The following TIGD2 variants were observed in gnomAD, a reference collection of about 807,000 sequenced individuals.
TIGD2 encodes tigger transposable element derived 2, also known as tigger transposable element-derived protein 2.
In TIGD2, 14 loss-of-function variants were observed where a neutral mutation model predicts 27.0. The ratio of observed to expected loss-of-function variants is 0.52; its 90% confidence interval spans 0.34 to 0.81. TIGD2 has a LOEUF of 0.81. TIGD2 is among the 30% of genes least tolerant of loss of function. TIGD2 has a pLI of 0.01. For missense variants in TIGD2, 590 were observed against 617.3 expected, an observed-to-expected ratio of 0.96 and a Z score of 0.47; for synonymous variants, 201 against 209.0, an observed-to-expected ratio of 0.96 and a Z score of 0.33.
chr4:89,113,479 C>G lies in TIGD2; in HGVS notation c.505C>G (p.Gln169Glu). ...FQEFVEKENL[Q>E]PEQIYGADQT... is the part of the protein sequence containing the mutation. ...GGAATTTGTTGAAAAAGAGAATCTA[C>G]AACCAGAGCAAATTTATGGTGCTGA... The change falls in exon 2 of 2, where the codon CAA (glutamine) becomes GAA (glutamate). Residue 169 changes from glutamine to glutamate, a missense_variant. Transcript: ENST00000603357. 1 of 1,613,866 alleles carries G rather than the reference C, an allele frequency of 6.2e-7. No homozygotes were observed. The highest frequency in any genetic ancestry group is 8.5e-7 in the Non-Finnish European group (1 of 1,179,784).
Position 89,113,210 on chromosome 4 carries a change from TTGATAGAGTTA to T in TIGD2, c.246_256del (p.Met83ValfsTer2). On this transcript the variant is annotated frameshift_variant, in exon 2 of 2. Transcript: ENST00000603357. LOFTEE classifies it high-confidence loss of function. ...ATGAAGTCATCAACATACGAGGAGC[TTGATAGAGTTA>T]TGATAGAGTGGTTTAACCAACAGAA... is the stretch of plus-strand genomic sequence containing the variant. 1 of 1,614,078 alleles carries T rather than the reference TTGATAGAGTTA, an allele frequency of 6.2e-7. No homozygotes were observed. The highest frequency in any genetic ancestry group is 8.5e-7 in the Non-Finnish European group (1 of 1,180,038).
In TIGD2 at chr4:89,113,608, A is replaced by T; in HGVS notation, c.634A>T (p.Met212Leu). ...CRSSRERIII[M>L]CCANATGLHK... ...GTCAAGCAGAGAGAGAATCATCATT[A>T]TGTGTTGCGCAAATGCCACAGGTTT... The change falls in exon 2 of 2, where the codon ATG becomes TTG. Residue 212 changes from methionine to leucine, a missense_variant. Physicochemically the swap from Met to Leu is conservative, Grantham distance 15. Around this residue, in one of 3 missense-constraint regions of TIGD2, gnomAD observed 451 missense variants for 448.0 expected, o/e 1.01. Coordinates refer to ENST00000603357, the MANE Select transcript of TIGD2 (RefSeq NM_145715.3). The T allele has an allele frequency of 6.2e-7, 1 of 1,614,164 alleles. No individual in the cohort carries two copies. Among genetic ancestry groups the T allele is most frequent in the Non-Finnish European group, 8.5e-7 (1 of 1,180,026 alleles).
At position 89,112,996 on chromosome 4, in the gene TIGD2, G is replaced by C; in HGVS notation, c.22G>C (p.Val8Leu). Reference protein sequence around the residue: MLGKRKRVVLTIKDKLDI... With the variant: MLGKRKRLVLTIKDKLDI... ...TAAAATGTTGGGGAAACGTAAGCGT[G>C]TGGTGTTGACAATTAAGGACAAGCT... is the stretch of plus-strand genomic sequence containing the variant. Residue 8 changes from valine (V) to leucine (L), a missense_variant, in exon 2 of 2, where the codon GTG (valine) becomes CTG (leucine). Val to Leu is a conservative substitution (Grantham distance 32). This residue lies in a region of TIGD2 where 92 missense variants were observed against 89.6 expected (regional missense o/e 1.03). Coordinates refer to ENST00000603357, the MANE Select transcript of TIGD2 (RefSeq NM_145715.3). The C allele has an allele frequency of 1.3e-6, 2 of 1,591,932 alleles. No homozygotes were observed. The highest frequency in any genetic ancestry group is 1.7e-6 in the Non-Finnish European group (2 of 1,170,794).
chr4:89,113,885 G>A lies in TIGD2; in HGVS notation c.911G>A (p.Ser304Asn), dbSNP rs1006466446. 2 of 1,614,198 alleles carry A rather than the reference G, an allele frequency of 1.2e-6. No individual in the cohort carries two copies. The highest frequency in any genetic ancestry group is 3.3e-5 in the Admixed American group (2 of 60,028). Residue 304 changes from serine to asparagine, a missense_variant, in exon 2 of 2, where the codon AGT becomes AAT. Transcript: ENST00000603357. ...PPARPNEEMLSSDDGRIIVKY... is the reference protein window; with the variant it reads ...PPARPNEEMLNSDDGRIIVKY... Reference sequence around the variant, plus strand: ...GCACGTCCAAATGAAGAAATGTTGAGTTCAGATGATGGCAGAATAATTGTG... The same window carrying A: ...GCACGTCCAAATGAAGAAATGTTGAATTCAGATGATGGCAGAATAATTGTG...
upstream of TIGD2, chr4:89,111,325 T>G (rs1721043774): frequency 4.9e-5 from 32 of 658,956 alleles, no homozygotes; most frequent in Non-Finnish European, 6.0e-5. Flanking sequence ...AGCGTGTGCC[T>G]CCCCCTGCCG....
At position 89,114,096 on chromosome 4, in the gene TIGD2, C is replaced by T. The variant is rs1490965890; in HGVS notation, c.1122C>T (p.Asn374=). ...TTTATGAAGTGTCAAGAGCTTGGAA[C>T]ATGGTAAAATCAAGTACCATAACCA... ...DAIYEVSRAW[N]MVKSSTITKA... Residue 374 remains asparagine (N), a synonymous_variant, in exon 2 of 2, where the codon AAC becomes AAT. Transcript: ENST00000603357. 6.2e-7 allele frequency: 1 copy of T among 1,614,118 alleles called. No homozygotes were observed. Among genetic ancestry groups the T allele is most frequent in the Non-Finnish European group, 8.5e-7 (1 of 1,180,022 alleles).
At position 89,114,512 on chromosome 4, in the gene TIGD2, T is replaced by C; in HGVS notation, c.1538T>C (p.Ile513Thr). Residue 513 changes from isoleucine to threonine, a missense_variant, in exon 2 of 2, where the codon ATA becomes ACA. This residue lies in a region of TIGD2 where 451 missense variants were observed against 448.0 expected (regional missense o/e 1.01). Coordinates refer to ENST00000603357, the MANE Select transcript of TIGD2 (RefSeq NM_145715.3). ...GTATTAAGGAGGCTTCGGACCATAA[T>C]AAGAAAAAAACAGAAGATCCAAAAT... is the stretch of plus-strand genomic sequence containing the variant. ...KLVLRRLRTI[I>T]RKKQKIQNNK... The C allele has an allele frequency of 6.3e-7, 1 of 1,587,650 alleles. No homozygotes were observed. Among genetic ancestry groups the C allele is most frequent in the Non-Finnish European group, 8.6e-7 (1 of 1,164,604 alleles).
chr4:89,113,649 T>C lies in TIGD2; in HGVS notation c.675T>C (p.Leu225=), dbSNP rs1401905996. 1 of 1,614,060 alleles carries C rather than the reference T, an allele frequency of 6.2e-7. No homozygotes were observed. The highest frequency in any genetic ancestry group is 2.2e-5 in the East Asian group (1 of 44,898). The change falls in exon 2 of 2, where the codon CTT becomes CTC. Residue 225 remains leucine, a synonymous_variant. Transcript: ENST00000603357. Reference sequence around the variant, plus strand: ...CCACAGGTTTACACAAACTTAATCTTTGTGTTGTGGGGAAGGCCAAAAAGC... The same window carrying C: ...CCACAGGTTTACACAAACTTAATCTCTGTGTTGTGGGGAAGGCCAAAAAGC... ...ANATGLHKLN[L]CVVGKAKKPR...
rs200587747 is a variant in TIGD2, at chr4:89,114,163, G to A, written c.1189G>A (p.Gly397Ser). ...TTTCCCTGGCAATGAAGAGAATTCA[G>A]GTATGAACATTGATGAAGGAGCCAT... ...KLFPGNEENS[G>S]MNIDEGAILA... is the part of the protein sequence containing the mutation. The change falls in exon 2 of 2, where the codon GGT becomes AGT. Residue 397 changes from glycine to serine, a missense_variant. Transcript: ENST00000603357. 4.1e-4 allele frequency: 668 copies of A among 1,614,186 alleles called. 9 individuals carry two copies. The Admixed American group carries it at 7.5e-3, about 18-fold the overall frequency.
Position 89,113,761 on chromosome 4 carries a change from A to G in TIGD2, c.787A>G (p.Arg263Gly), listed in dbSNP as rs1326519749. Residue 263 changes from arginine to glycine, a missense_variant, in exon 2 of 2, where the codon AGA becomes GGA. By Grantham distance (125) the Arg-to-Gly change is moderately radical (BLOSUM62 -2). This residue lies in a region of TIGD2 where 451 missense variants were observed against 448.0 expected (regional missense o/e 1.01). Transcript: ENST00000603357. The part of the protein sequence containing the change: ...KGAWIEQSVF[R>G]QWFEKYFVPQ... ...TGCATGGATAGAACAGTCTGTTTTCAGACAGTGGTTTGAAAAGTACTTTGT... is the reference window on the plus strand; with the variant it reads ...TGCATGGATAGAACAGTCTGTTTTCGGACAGTGGTTTGAAAAGTACTTTGT... 6.2e-7 allele frequency: 1 copy of G among 1,614,118 alleles called. No homozygotes were observed. Among genetic ancestry groups the G allele is most frequent in the African/African-American group, 1.3e-5 (1 of 74,942 alleles).
At position 89,113,320 on chromosome 4, in the gene TIGD2, G is replaced by C. The variant is rs771805051; in HGVS notation, c.346G>C (p.Glu116Gln). 1.9e-6 allele frequency: 3 copies of C among 1,614,092 alleles called. No homozygotes were observed. The African/African-American group carries it at 4.0e-5, about 22-fold the overall frequency. Residue 116 changes from glutamate (E) to glutamine (Q), a missense_variant, in exon 2 of 2, where the codon GAA becomes CAA. This residue lies in a region of TIGD2 where 47 missense variants were observed against 79.7 expected (regional missense o/e 0.59). Coordinates refer to ENST00000603357, the MANE Select transcript of TIGD2 (RefSeq NM_145715.3). ...GTTCTTTTTTGATGCTTTGGGAATGGAAGGTGATTTTAATGCATCGTCAGG... is the reference window on the plus strand; with the variant it reads ...GTTCTTTTTTGATGCTTTGGGAATGCAAGGTGATTTTAATGCATCGTCAGG... ...AKFFFDALGM[E>Q]GDFNASSGWL...
In TIGD2 at chr4:89,113,513, G is replaced by C; in HGVS notation, c.539G>C (p.Gly180Ala). 1 of 1,614,086 alleles carries C rather than the reference G, an allele frequency of 6.2e-7. No homozygotes were observed. The highest frequency in any genetic ancestry group is 2.2e-5 in the East Asian group (1 of 44,890). The change falls in exon 2 of 2, where the codon GGA becomes GCA. Residue 180 changes from glycine (G) to alanine (A), a missense_variant. By Grantham distance (60) the Gly-to-Ala change is moderately conservative (BLOSUM62 0). Coordinates refer to ENST00000603357, the MANE Select transcript of TIGD2 (RefSeq NM_145715.3). ...CAAATTTATGGTGCTGATCAAACTG[G>C]ATTGTTTTGGAAATGTCTACCATCA... is the stretch of plus-strand genomic sequence containing the variant. ...PEQIYGADQT[G>A]LFWKCLPSRT...
In TIGD2 at chr4:89,114,194, C is replaced by G; in HGVS notation, c.1220C>G (p.Ala407Gly). Residue 407 changes from alanine (A) to glycine (G), a missense_variant, in exon 2 of 2, where the codon GCA (alanine) becomes GGA (glycine). Around this residue, in one of 3 missense-constraint regions of TIGD2, gnomAD observed 451 missense variants for 448.0 expected, o/e 1.01. Coordinates refer to ENST00000603357, the MANE Select transcript of TIGD2 (RefSeq NM_145715.3). The stretch of plus-strand genomic sequence containing the variant: ...AACATTGATGAAGGAGCCATTTTAG[C>G]AGCTAATTTAGCAACAGTTTTACAG... The part of the protein sequence containing the change: ...GMNIDEGAIL[A>G]ANLATVLQNT... 6.2e-7 allele frequency: 1 copy of G among 1,614,100 alleles called. No homozygotes were observed. Among genetic ancestry groups the G allele is most frequent in the Non-Finnish European group, 8.5e-7 (1 of 1,180,008 alleles).
chr4:89,114,254 A>G lies in TIGD2; in HGVS notation c.1280A>G (p.Asn427Ser), dbSNP rs1487209373. 6.2e-7 allele frequency: 1 copy of G among 1,614,166 alleles called. No individual in the cohort carries two copies. The highest frequency in any genetic ancestry group is 8.5e-7 in the Non-Finnish European group (1 of 1,180,040). ...GAATGTGAACATGTTGACATTGAGA[A>G]TATTGATCAGTGGTTCGACTCTCGG... Reference protein sequence around the residue: ...TEECEHVDIENIDQWFDSRSS... With the variant: ...TEECEHVDIESIDQWFDSRSS... Residue 427 changes from asparagine (N) to serine (S), a missense_variant, in exon 2 of 2, where the codon AAT becomes AGT. This residue lies in a region of TIGD2 where 451 missense variants were observed against 448.0 expected (regional missense o/e 1.01). Transcript: ENST00000603357.
chr4:89,114,595 A>T lies in TIGD2; in HGVS notation c.*43A>T. On this transcript the variant is annotated 3_prime_UTR_variant, in exon 2 of 2. Transcript: ENST00000603357. ...TCAGTGTATCTGCATCTTTGTGACTATCTGCAGTGAAACTTTGCTTGTTTG... is the reference window on the plus strand; with the variant it reads ...TCAGTGTATCTGCATCTTTGTGACTTTCTGCAGTGAAACTTTGCTTGTTTG... The T allele has an allele frequency of 1.3e-6, 2 of 1,508,862 alleles. No homozygotes were observed. The highest frequency in any genetic ancestry group is 1.8e-6 in the Non-Finnish European group (2 of 1,126,800). The allele number at this position is 1,508,862 out of a possible 1,614,324, so 93.5% of individuals were successfully genotyped here. A position where few individuals can be genotyped will look rare whatever the true frequency, so the allele number is the denominator to read the frequency against.
chr4:89,112,777 C>T lies in TIGD2; in HGVS notation c.-198C>T. The T allele has an allele frequency of 1.9e-6, 1 of 532,866 alleles. No homozygotes were observed. The allele number at this position is 532,866 out of a possible 1,614,324, so 33.0% of individuals were successfully genotyped here. A position where few individuals can be genotyped will look rare whatever the true frequency, so the allele number is the denominator to read the frequency against. ...AAGATAAGAGTTAATTGGCGCTAGG[C>T]TTTGTTGTAGGAAGTTTGTAAGTTT... On this transcript the variant is annotated 5_prime_UTR_variant, in exon 2 of 2. Coordinates refer to ENST00000603357, the MANE Select transcript of TIGD2 (RefSeq NM_145715.3).
In TIGD2 at chr4:89,112,834, T is replaced by A. The variant is rs1721126859; in HGVS notation, c.-141T>A. The A allele has an allele frequency of 3.0e-6, 2 of 670,036 alleles. No homozygotes were observed. The highest frequency in any genetic ancestry group is 4.9e-6 in the Non-Finnish European group (2 of 408,786). 41.5% of individuals were successfully genotyped at this position (670,036 alleles called of 1,614,324 possible). ...AGCAAGTAGATTCACGTAGACCTTG[T>A]CAGGAAATTGGTCACTATCCATCTA... On this transcript the variant is annotated 5_prime_UTR_variant, in exon 2 of 2. Coordinates refer to ENST00000603357, the MANE Select transcript of TIGD2 (RefSeq NM_145715.3).
upstream of TIGD2, chr4:89,111,288 C>T (rs1482240593): frequency 7.7e-6 from 7 of 912,824 alleles, no homozygotes; most frequent in Non-Finnish European, 7.9e-6. Context: ...AGAGCCGGGC[C>T]ACTGGGAAAA....
Position 89,113,090 on chromosome 4 carries a change from A to G in TIGD2, c.116A>G (p.Glu39Gly). 6.2e-7 allele frequency: 1 copy of G among 1,614,084 alleles called. No individual in the cohort carries two copies. Among genetic ancestry groups the G allele is most frequent in the Non-Finnish European group, 8.5e-7 (1 of 1,180,010 alleles). ...KKLSVVYGIGESTVRDIKKNK... is the reference protein window; with the variant it reads ...KKLSVVYGIGGSTVRDIKKNK... The stretch of plus-strand genomic sequence containing the variant: ...CTTTCCGTGGTGTACGGAATTGGTG[A>G]ATCCACAGTTCGTGATATTAAAAAG... The change falls in exon 2 of 2, where the codon GAA becomes GGA. Residue 39 changes from glutamate (E) to glycine (G), a missense_variant. Glu to Gly is a moderately conservative substitution (Grantham distance 98). Around this residue, in one of 3 missense-constraint regions of TIGD2, gnomAD observed 92 missense variants for 89.6 expected, o/e 1.03. Transcript: ENST00000603357.
Sources: allele counts gnomAD v4.1 joint callset, GRCh38; gene constraint gnomAD v4.1.1; regional missense constraint gnomAD v4.1.1; transcripts MANE v1.5; gene names NCBI Gene and HGNC (gene_info 2026-07-23, HGNC 2026-07-21).